LARP1B: variants seen among roughly 807,000 people sequenced by gnomAD.
LARP1B encodes la-related protein 1B.
Under a neutral mutation model 114.2 loss-of-function variants are expected in LARP1B, and 76 were observed. The ratio of observed to expected loss-of-function variants is 0.67; its 90% CI spans 0.55 to 0.81. The LOEUF is 0.81. Among genes scored for constraint, LARP1B ranks in the 30% least tolerant of loss-of-function variants. LARP1B has a pLI of 0.00. For missense variants in LARP1B, 1,014 were observed against 1,075.8 expected (o/e 0.94, Z 0.80); for synonymous variants, 345 against 348.0 (o/e 0.99, Z 0.10).
intron 12 of LARP1B, 133 bp from the exon 13 acceptor site, chr4:128,176,739 G>A (rs534517339): frequency 1.3e-6 from 1 of 757,358 alleles, no homozygotes; most frequent in Admixed American, 2.4e-5. Flanking sequence ...TTGCTTTCTG[G>A]GAAGCAATGA....
rs11944181 is a variant in LARP1B at position 128,083,418 on chromosome 4, C to A, written c.358+1113C>A. Among the ~76,000 whole-genome samples the A allele has an allele frequency of 1.5e-3, 218 of 148,292 alleles. 2 individuals carry two copies. Among genetic ancestry groups the A allele is most frequent in the African/African-American group, 5.1e-3 (206 of 40,508 alleles). On this transcript the variant is annotated intron_variant, in intron 5 of 19. Transcript: ENST00000326639. ...CTGGGCAGAGGCGCCCCTCACCTCCCGGACGGGGCGGCTGGCCGGGCAGGG... is the reference window on the plus strand; with the variant it reads ...CTGGGCAGAGGCGCCCCTCACCTCCAGGACGGGGCGGCTGGCCGGGCAGGG...
At chr4:128,091,650 G>A (rs1775960229) in intron 7 of LARP1B, 138 bp downstream of exon 7, 8 of 599,122 alleles carry the variant, frequency 1.3e-5, no homozygotes. Flanking sequence ...AGGCTGGAGT[G>A]TAGTGGTACG....
intron 15 of LARP1B, among the ~76,000 whole-genome samples, chr4:128,197,604 G>A (rs949166705): frequency 2.0e-5 from 3 of 152,044 alleles, no homozygotes; most frequent in African/African-American, 7.2e-5. Flanking sequence ...TGAGGCAGGA[G>A]AATCGCTTGA....
downstream of LARP1B, among the ~76,000 whole-genome samples, chr4:128,212,442 G>C (rs565810825): frequency 2.6e-5 from 4 of 151,830 alleles, no homozygotes; most frequent in African/African-American, 7.3e-5. Context: ...TCAGAAATGC[G>C]AGACCAGCCT....
At chr4:128,080,652 C>T (rs1157020218) in intron 4 of LARP1B, among the ~76,000 whole-genome samples, 1 of 152,066 alleles carries the variant, frequency 6.6e-6, no homozygotes, top group Non-Finnish European at 1.5e-5. Flanking sequence ...CATTTTGAAA[C>T]CTGAGCTATG....
chr4:128,099,146 C>T (rs1234152412), intron 8 of LARP1B, among the ~76,000 whole-genome samples: 1 of 151,150 alleles, frequency 6.6e-6, no homozygotes, highest in African/African-American at 2.4e-5. Context: ...GCCTGTAATC[C>T]CAGCACTTTG....
At chr4:128,197,794 G>T (rs2150865262) in intron 15 of LARP1B, among the ~76,000 whole-genome samples, 1 of 148,556 alleles carries the variant, frequency 6.7e-6, no homozygotes. Flanking sequence ...TTTGTGGGTT[G>T]TTCTTTTAGT....
chr4:128,147,306 G>C (rs938412745), intron 11 of LARP1B, among the ~76,000 whole-genome samples: 1 of 152,190 alleles, frequency 6.6e-6, no homozygotes, highest in Non-Finnish European at 1.5e-5. Context: ...TTCTGTGACA[G>C]AGTCTTTCCC....
At chr4:128,164,654 C>G (rs1353781035) in intron 12 of LARP1B, among the ~76,000 whole-genome samples, 1 of 152,074 alleles carries the variant, frequency 6.6e-6, no homozygotes, top group Non-Finnish European at 1.5e-5. Flanking sequence ...TATAACCCAG[C>G]AGTTTCATTT....
intron 8 of LARP1B, among the ~76,000 whole-genome samples, chr4:128,105,675 A>T (rs1307555426): frequency 2.0e-5 from 3 of 152,112 alleles, no homozygotes; most frequent in African/African-American, 7.2e-5. Flanking sequence ...GTGGATCATG[A>T]GGTCAGGAGT....
At chr4:128,061,621 C>A (rs928088347) in intron 1 of LARP1B, 217 of 950,032 alleles carry the variant, frequency 2.3e-4, no homozygotes, top group Non-Finnish European at 2.7e-4. Context: ...GCCGGTGTCC[C>A]GGCGGAGAGA....
intron 15 of LARP1B, 54 bp from the exon 16 acceptor site, chr4:128,199,385 A>C (rs896482695): frequency 6.0e-5 from 84 of 1,395,824 alleles, no homozygotes; most frequent in Non-Finnish European, 7.9e-5. Flanking sequence ...ATTGGTTCAT[A>C]TACTTGGTTC....
chr4:128,102,957 G>C (rs1170308742), intron 8 of LARP1B, among the ~76,000 whole-genome samples: 1 of 152,020 alleles, frequency 6.6e-6, no homozygotes, highest in African/African-American at 2.4e-5. Flanking sequence ...TTTATCTCCA[G>C]GTCTTTGCAC....
chr4:128,213,320 T>A (rs1387919534), downstream of LARP1B, among the ~76,000 whole-genome samples: 1 of 152,218 alleles, frequency 6.6e-6, no homozygotes, highest in Non-Finnish European at 1.5e-5. Flanking sequence ...TGAGCAATAA[T>A]TTTTATTGCT....
At chr4:128,072,980 A>T (rs1290920984) in intron 1 of LARP1B, among the ~76,000 whole-genome samples, 2 of 152,220 alleles carry the variant, frequency 1.3e-5, no homozygotes, top group African/African-American at 4.8e-5. Flanking sequence ...GACTGTTTAA[A>T]TAGGATTATC....
chr4:128,176,080 GTCTC>G lies in LARP1B; in HGVS notation c.1649-783_1649-780del, dbSNP rs1211808566. On this transcript the variant is annotated intron_variant, in intron 12 of 19. Coordinates refer to ENST00000326639, the MANE Select transcript of LARP1B (RefSeq NM_018078.4). Reference sequence around the variant, plus strand: ...TGTTTTTATCTCTAGGATTGTCTCTGTCTCTCTCTCTCGATATATATATATACAC... The same window carrying G: ...TGTTTTTATCTCTAGGATTGTCTCTGTCTCTCTCGATATATATATATACAC... 1.9e-4 allele frequency among the ~76,000 whole-genome samples: 27 copies of G among 144,968 alleles called. No individual in the cohort carries two copies. In the South Asian group the frequency reaches 3.9e-3, roughly 21 times the overall value.
chr4:128,062,304 G>T, intron 1 of LARP1B: 3 of 983,756 alleles, frequency 3.0e-6, no homozygotes, highest in Non-Finnish European at 3.6e-6. Context: ...GGCGGTAGCG[G>T]GCACCAGGCC....
At chr4:128,065,249 ATTAATTTCTTTC>A (rs745355179) in intron 1 of LARP1B, among the ~76,000 whole-genome samples, 1,604 of 95,586 alleles carry the variant, frequency 0.017, 49 homozygotes, top group East Asian at 0.043. Flanking sequence ...TTCTCCCACA[ATTAATTTCTTTC>A]TTTCTTTCTT....
intron 2 of LARP1B, among the ~76,000 whole-genome samples, 174 bp downstream of exon 2, chr4:128,074,692 A>G (rs891208793): frequency 2.6e-5 from 4 of 152,214 alleles, no homozygotes; most frequent in South Asian, 2.1e-4. Flanking sequence ...TGCCTTTGTT[A>G]TCATGTATAA....
Sources: gnomAD v4.1 joint callset for allele counts (sites outside exome capture counted in the v4.1 genomes callset) on GRCh38, gnomAD v4.1.1 for gene constraint, MANE v1.5 for transcripts, NCBI Gene and HGNC (gene_info 2026-07-23, HGNC 2026-07-21) for gene names.